Variants in WASF3 observed in about 807,000 individuals in gnomAD.
WASF3 encodes the protein WASP family member 3.
WASF3 carries 11 observed loss-of-function variants against 46.6 expected under a neutral mutation model. That is an observed-to-expected ratio of 0.24 (90% CI 0.15 to 0.39). WASF3 has a LOEUF of 0.39. Ranked by LOEUF, WASF3 falls within the 10% of genes least tolerant of loss-of-function variation. The probability of loss-of-function intolerance (pLI) is 1.00; values close to 1 mark genes in which losing one functional copy is unlikely to be tolerated. For synonymous variants in WASF3, 242 were observed against 259.7 expected (o/e 0.93, Z 0.65); for missense variants, 576 against 669.8 (o/e 0.86, Z 1.55).
intron 1 of WASF3, among the ~76,000 whole-genome samples, chr13:26,590,924 A>T (rs906142341): frequency 1.3e-5 from 2 of 152,208 alleles, no homozygotes; most frequent in African/African-American, 4.8e-5. Context: ...GAACTAAATC[A>T]TTTAAAAAGG....
In WASF3 at chr13:26,565,493, A is replaced by G. The variant is rs535053153; in HGVS notation, c.-109+7674A>G. On this transcript the variant is annotated intron_variant, in intron 1 of 9. Transcript: ENST00000335327. ...CTGTTTTCAATATAAATGTAAAAAC[A>G]CATTTAAAAAAAACCAGCCCTGTAG... Among the ~76,000 whole-genome samples, 154 of 152,350 alleles carry G rather than the reference A, an allele frequency of 1.0e-3. 1 individual carries two copies. The highest frequency in any genetic ancestry group is 3.6e-3 in the African/African-American group (150 of 41,584).
At chr13:26,677,834 G>T (rs1017633353) in intron 7 of WASF3, among the ~76,000 whole-genome samples, 1 of 152,156 alleles carries the variant, frequency 6.6e-6, no homozygotes, top group Non-Finnish European at 1.5e-5. Context: ...TAGCTCCCAT[G>T]ATGTCAATCT....
intron 1 of WASF3, among the ~76,000 whole-genome samples, chr13:26,597,034 G>A (rs1264433591): frequency 6.6e-6 from 1 of 152,150 alleles, no homozygotes; most frequent in Non-Finnish European, 1.5e-5. Context: ...TCATAGTTAT[G>A]TCTACTGGTT....
intron 1 of WASF3, among the ~76,000 whole-genome samples, chr13:26,568,252 G>A (rs1448984803): frequency 6.7e-6 from 1 of 149,144 alleles, no homozygotes; most frequent in Non-Finnish European, 1.5e-5. Context: ...GGATAGACAG[G>A]GGACAAAGGT....
intron 3 of WASF3, among the ~76,000 whole-genome samples, chr13:26,652,575 C>A (rs1882344943): frequency 1.3e-5 from 2 of 152,086 alleles, no homozygotes; most frequent in Admixed American, 1.3e-4. Context: ...CTTTTAATTT[C>A]CCGTGAAACA....
chr13:26,606,316 T>G (rs2137211675), intron 1 of WASF3, among the ~76,000 whole-genome samples: 5 of 134,630 alleles, frequency 3.7e-5, no homozygotes, highest in African/African-American at 1.4e-4. Flanking sequence ...TTTTCTCTTT[T>G]TTTTCGTGTG....
chr13:26,641,565 T>G (rs1330219452), intron 2 of WASF3, among the ~76,000 whole-genome samples: 1 of 152,062 alleles, frequency 6.6e-6, no homozygotes, highest in South Asian at 2.1e-4. Context: ...AATTAGGGGT[T>G]TATGTAGCAG....
chr13:26,542,754 C>A, the WASF3 span, among the ~76,000 whole-genome samples: 1 of 152,208 alleles, frequency 6.6e-6, no homozygotes, highest in African/African-American at 2.4e-5. Context: ...CTGGGTTAAA[C>A]AGCACTCTGC....
rs761219941 is a variant in WASF3, at chr13:26,667,669, A to G, written c.421A>G (p.Arg141Gly). ...GCCTCTGAACATCCTGACACCATACAGGTATAGCTTCATGAGTCCCAGAGC... is the reference window on the plus strand; with the variant it reads ...GCCTCTGAACATCCTGACACCATACGGGTATAGCTTCATGAGTCCCAGAGC... ...PPPLNILTPY[R>G]DDKKDGLKFY... The change falls in exon 5 of 10, where the codon AGA becomes GGA. Residue 141 changes from arginine to glycine, a missense_variant and splice_region_variant. Transcript: ENST00000335327. 6.2e-7 allele frequency: 1 copy of G among 1,613,298 alleles called. No individual in the cohort carries two copies. The highest frequency in any genetic ancestry group is 1.3e-5 in the African/African-American group (1 of 74,998).
chr13:26,667,416 T>G, intron 4 of WASF3, 101 bp from the exon 5 acceptor site: 8 of 994,264 alleles, frequency 8.0e-6, no homozygotes, highest in Middle Eastern at 2.6e-4. Context: ...ATTATTTGGT[T>G]GTTCTAGGAG....
chr13:26,636,879 G>C (rs1318213413), intron 2 of WASF3, among the ~76,000 whole-genome samples: 1 of 152,148 alleles, frequency 6.6e-6, no homozygotes, highest in African/African-American at 2.4e-5. Flanking sequence ...AGCATTGGGG[G>C]ATGCAAGATA....
At chr13:26,605,448 C>T (rs1445596187) in intron 1 of WASF3, among the ~76,000 whole-genome samples, 10 of 152,172 alleles carry the variant, frequency 6.6e-5, no homozygotes, top group African/African-American at 1.2e-4. Flanking sequence ...TCACTAAATA[C>T]GGGGCAAGTT....
chr13:26,648,189 C>T (rs1264723322), intron 3 of WASF3, among the ~76,000 whole-genome samples: 2 of 152,010 alleles, frequency 1.3e-5, no homozygotes, highest in Non-Finnish European at 2.9e-5. Flanking sequence ...CAGGGATAGT[C>T]GTCATAAATG....
At position 26,659,455 on chromosome 13, in the gene WASF3, C is replaced by T. The variant is rs181574243; in HGVS notation, c.134-5573C>T. 7.4e-4 allele frequency among the ~76,000 whole-genome samples: 112 copies of T among 151,856 alleles called. 1 individual carries two copies. In the East Asian group the frequency reaches 0.017, roughly 23 times the overall value. On this transcript the variant is annotated intron_variant, in intron 3 of 9. Coordinates refer to ENST00000335327, the MANE Select transcript of WASF3 (RefSeq NM_006646.6). ...GGTCATCTGGCCTTTAGCTTTTATT[C>T]TGAGTGAATTGGCAAGGCATGGAAT...
chr13:26,600,202 T>C (rs1489298452), intron 1 of WASF3, among the ~76,000 whole-genome samples: 1 of 152,220 alleles, frequency 6.6e-6, no homozygotes, highest in Non-Finnish European at 1.5e-5. Flanking sequence ...TTACATTTCC[T>C]GAGCTGTCTT....
At chr13:26,661,855 C>G (rs756161205) in intron 3 of WASF3, among the ~76,000 whole-genome samples, 1 of 152,148 alleles carries the variant, frequency 6.6e-6, no homozygotes. Flanking sequence ...ATTCTTAAAA[C>G]TGTTAAAATG....
chr13:26,587,371 G>A (rs1880162715), intron 1 of WASF3, among the ~76,000 whole-genome samples: 1 of 151,954 alleles, frequency 6.6e-6, no homozygotes, highest in Non-Finnish European at 1.5e-5. Context: ...CTCTGAAAGG[G>A]CTACACAGTG....
rs58237286 is a variant in WASF3, at chr13:26,633,200, C to CTTTTTTTTTTTTTTTTTTT, written c.-10-9045_-10-9044insTTTTTTTTTTTTTTTTTTT. 1.2e-3 allele frequency among the ~76,000 whole-genome samples: 106 copies of CTTTTTTTTTTTTTTTTTTT among 90,426 alleles called. 2 individuals are homozygous for CTTTTTTTTTTTTTTTTTTT. Among genetic ancestry groups the CTTTTTTTTTTTTTTTTTTT allele is most frequent in the Non-Finnish European group, 1.7e-3 (81 of 47,912 alleles). 59.3% of individuals were successfully genotyped at this position (90,426 alleles called of 152,430 possible). A position where few individuals can be genotyped will look rare whatever the true frequency, so the allele number is the denominator to read the frequency against. ...AGTTCTGTTTTGATCTTAGTTATTT[C>CTTTTTTTTTTTTTTTTTTT]TTTTTTTTTTTTTTTTCTTGAGGCA... On this transcript the variant is annotated intron_variant, in intron 2 of 9. Transcript: ENST00000335327.
intron 3 of WASF3, among the ~76,000 whole-genome samples, chr13:26,653,578 C>A (rs1274259370): frequency 1.3e-5 from 2 of 152,184 alleles, no homozygotes; most frequent in Admixed American, 1.3e-4. Flanking sequence ...ATAACTGTCT[C>A]CTCTGGAGAA....
Sources: gnomAD v4.1 joint callset for allele counts (sites outside exome capture counted in the v4.1 genomes callset) on GRCh38, gnomAD v4.1.1 for gene constraint, MANE v1.5 for transcripts, NCBI Gene and HGNC (gene_info 2026-07-23, HGNC 2026-07-21) for gene names.